The following FHIT variants were observed in gnomAD, a reference collection of about 807,000 sequenced individuals.
The protein encoded by FHIT is fragile histidine triad diadenosine triphosphatase.
FHIT carries 19 observed loss-of-function variants against 17.9 expected under a neutral mutation model. That is an observed-to-expected ratio of 1.06 (90% confidence interval 0.74 to 1.56). The LOEUF (loss-of-function observed/expected upper bound fraction) is 1.56. Ranked by LOEUF, FHIT falls within the 40% of genes most tolerant of loss-of-function variation. The probability of loss-of-function intolerance (pLI) is 0.00; values close to 1 mark genes in which losing one functional copy is unlikely to be tolerated. For missense variants in FHIT, 248 were observed against 189.2 expected (o/e 1.31, Z -1.82); for synonymous variants, 81 against 69.7 (o/e 1.16, Z -0.81).
intron 8 of FHIT, among the ~76,000 whole-genome samples, chr3:59,786,800 C>G (rs775215614): frequency 5.3e-5 from 8 of 152,258 alleles, no homozygotes; most frequent in Admixed American, 1.3e-4. Flanking sequence ...AGTCATCTGT[C>G]TTGTGAGGTT....
chr3:60,772,482 G>C (rs1202595779), intron 4 of FHIT, among the ~76,000 whole-genome samples: 1 of 152,052 alleles, frequency 6.6e-6, no homozygotes, highest in Non-Finnish European at 1.5e-5. Context: ...TATAAATGTT[G>C]TATCAATGAG....
chr3:60,575,989 G>C (rs7651928), intron 4 of FHIT, among the ~76,000 whole-genome samples: 86,288 of 151,758 alleles, frequency 0.57, 24,796 homozygotes, highest in Admixed American at 0.66. Context: ...AGTTACTATC[G>C]TCTGGCAAAT....
chr3:60,335,707 T>C (rs1175439824), intron 5 of FHIT, among the ~76,000 whole-genome samples: 1 of 152,174 alleles, frequency 6.6e-6, no homozygotes, highest in Non-Finnish European at 1.5e-5. Context: ...CTCTTGTTTT[T>C]ATATTGACCA....
intron 5 of FHIT, among the ~76,000 whole-genome samples, chr3:60,176,848 C>T (rs1199879310): frequency 1.3e-5 from 2 of 152,122 alleles, no homozygotes; most frequent in African/African-American, 2.4e-5. Context: ...CCATAAAATC[C>T]GTTGCTTGGA....
intron 5 of FHIT, among the ~76,000 whole-genome samples, chr3:60,086,741 C>G (rs1298358461): frequency 2.0e-5 from 3 of 152,204 alleles, no homozygotes; most frequent in Admixed American, 2.0e-4. Flanking sequence ...AAGGGGTGGG[C>G]TCCTAATGCC....
chr3:60,579,042 C>G (rs1169786010), intron 4 of FHIT, among the ~76,000 whole-genome samples: 1 of 152,126 alleles, frequency 6.6e-6, no homozygotes, highest in Non-Finnish European at 1.5e-5. Context: ...TTTCCATGCA[C>G]CTGCAAATTG....
intron 8 of FHIT, among the ~76,000 whole-genome samples, chr3:59,921,579 T>G (rs771142487): frequency 6.6e-6 from 1 of 152,236 alleles, no homozygotes; most frequent in East Asian, 1.9e-4. Flanking sequence ...TCCAGGGCAC[T>G]AGTGCTATCT....
chr3:60,659,458 C>G (rs1328960733), intron 4 of FHIT, among the ~76,000 whole-genome samples: 9 of 148,638 alleles, frequency 6.1e-5, no homozygotes, highest in Non-Finnish European at 6.0e-5. Flanking sequence ...CCTTCTTCTT[C>G]AATATTTTTT....
At chr3:60,585,418 T>A (rs1461124872) in intron 4 of FHIT, among the ~76,000 whole-genome samples, 1 of 152,086 alleles carries the variant, frequency 6.6e-6, no homozygotes, top group Non-Finnish European at 1.5e-5. Context: ...GTAGTCACCC[T>A]TAAGTTATTC....
chr3:60,461,803 C>G (rs564300871), intron 5 of FHIT, among the ~76,000 whole-genome samples: 3 of 152,268 alleles, frequency 2.0e-5, no homozygotes, highest in Admixed American at 2.0e-4. Context: ...GGATCCCAAA[C>G]AAGCCATGCT....
At chr3:60,297,864 A>G (rs1486312061) in intron 5 of FHIT, among the ~76,000 whole-genome samples, 1 of 152,074 alleles carries the variant, frequency 6.6e-6, no homozygotes, top group Non-Finnish European at 1.5e-5. Context: ...CAGTCCCACA[A>G]GACAGCTCCC....
chr3:60,260,896 C>T (rs1261565236), intron 5 of FHIT, among the ~76,000 whole-genome samples: 1 of 151,964 alleles, frequency 6.6e-6, no homozygotes, highest in Non-Finnish European at 1.5e-5. Flanking sequence ...TGCTAAAACA[C>T]ACTCCCACCA....
At chr3:61,074,566 T>A (rs150271844) in intron 2 of FHIT, among the ~76,000 whole-genome samples, 133 of 152,260 alleles carry the variant, frequency 8.7e-4, no homozygotes, top group African/African-American at 3.0e-3. Flanking sequence ...GGCACCACAC[T>A]CCTACAAGAT....
chr3:61,027,408 C>G (rs2107659604), intron 3 of FHIT, among the ~76,000 whole-genome samples: 1 of 152,320 alleles, frequency 6.6e-6, no homozygotes, highest in East Asian at 1.9e-4. Flanking sequence ...ATTATCTATA[C>G]TCTTTAAGCT....
At chr3:60,826,849 A>T (rs1233436872) in intron 3 of FHIT, among the ~76,000 whole-genome samples, 1 of 152,106 alleles carries the variant, frequency 6.6e-6, no homozygotes, top group Non-Finnish European at 1.5e-5. Context: ...AACCTTTTTA[A>T]AAGCACATTG....
At chr3:59,900,395 G>A (rs907033470) in intron 8 of FHIT, among the ~76,000 whole-genome samples, 3 of 152,170 alleles carry the variant, frequency 2.0e-5, no homozygotes, top group Non-Finnish European at 4.4e-5. Context: ...CAGATGATAG[G>A]CCTACAATAT....
chr3:61,022,932 C>T (rs1250504909), intron 3 of FHIT, among the ~76,000 whole-genome samples: 1 of 152,160 alleles, frequency 6.6e-6, no homozygotes, highest in Non-Finnish European at 1.5e-5. Context: ...TGAAAACCAG[C>T]ACAAGACAAG....
At chr3:60,668,655 A>G (rs533688149) in intron 4 of FHIT, among the ~76,000 whole-genome samples, 5 of 139,642 alleles carry the variant, frequency 3.6e-5, no homozygotes, top group Admixed American at 8.1e-5. Context: ...TCCGCCTCCC[A>G]GGTTCACGCC....
intron 5 of FHIT, among the ~76,000 whole-genome samples, chr3:60,385,847 G>C (rs893664599): frequency 2.6e-5 from 4 of 152,236 alleles, no homozygotes; most frequent in Admixed American, 2.6e-4. Context: ...CCAAATGCTG[G>C]AATGACATAT....
Sources: allele counts gnomAD v4.1 joint callset (sites outside exome capture counted in the v4.1 genomes callset), GRCh38; gene constraint gnomAD v4.1.1; transcripts MANE v1.5; gene names NCBI Gene and HGNC (gene_info 2026-07-23, HGNC 2026-07-21).